Variants in FSD1L observed in about 807,000 individuals in gnomAD.
The protein encoded by FSD1L is fibronectin type III and SPRY domain containing 1 like, also known as FSD1-like protein.
A neutral mutation model predicts 71.6 loss-of-function variants in FSD1L; 45 were observed. That is an observed-to-expected ratio of 0.63 (90% CI 0.49 to 0.81). The LOEUF is 0.81. Among genes scored for constraint, FSD1L ranks in the 30% least tolerant of loss-of-function variants. FSD1L has a pLI of 0.00. For synonymous variants in FSD1L, 197 were observed against 207.2 expected (o/e 0.95, Z 0.42); for missense variants, 561 against 618.1 (o/e 0.91, Z 0.98).
At chr9:105,468,396 T>G in intron 4 of FSD1L, 72 bp downstream of exon 4, 2 of 1,210,438 alleles carry the variant, frequency 1.7e-6, no homozygotes, top group Non-Finnish European at 2.2e-6. Flanking sequence ...TAAGCAAAAA[T>G]TAATGAATTT....
chr9:105,478,728 C>T (rs552916992), intron 5 of FSD1L, among the ~76,000 whole-genome samples: 1 of 151,936 alleles, frequency 6.6e-6, no homozygotes, highest in Non-Finnish European at 1.5e-5. Flanking sequence ...TGTATGAAAT[C>T]ATCATGGAGA....
chr9:105,534,969 TA>T, intron 11 of FSD1L, 97 bp from the exon 12 acceptor site: 3 of 1,180,622 alleles, frequency 2.5e-6, no homozygotes, highest in South Asian at 2.8e-5. Context: ...AGTACTTGAA[TA>T]AAAATTTTTG....
At chr9:105,521,907 G>C (rs1039827730) in intron 10 of FSD1L, 7 of 1,612,324 alleles carry the variant, frequency 4.3e-6, no homozygotes, top group Admixed American at 3.3e-5. Context: ...AAATCTTCTG[G>C]ATGAACACAC....
intron 1 of FSD1L, among the ~76,000 whole-genome samples, chr9:105,460,774 T>G (rs1390248779): frequency 6.6e-6 from 1 of 152,090 alleles, no homozygotes; most frequent in Non-Finnish European, 1.5e-5. Context: ...ACGTGGACAT[T>G]TGCACTTTCT....
intron 6 of FSD1L, among the ~76,000 whole-genome samples, chr9:105,480,646 A>G (rs974192101): frequency 1.3e-5 from 2 of 152,192 alleles, no homozygotes; most frequent in Admixed American, 6.5e-5. Flanking sequence ...AGCTAAAGAC[A>G]TGGATCATTC....
At chr9:105,448,766 T>C (rs780836285) in intron 1 of FSD1L, among the ~76,000 whole-genome samples, 6 of 152,164 alleles carry the variant, frequency 3.9e-5, no homozygotes, top group Middle Eastern at 3.2e-3. Flanking sequence ...CCTAAGTAGA[T>C]CTTAGTGTTT....
In FSD1L at chr9:105,543,473, G is replaced by C. The variant is rs148193900; in HGVS notation, c.1468-2885G>C. Among the ~76,000 whole-genome samples, 1,400 of 152,132 alleles carry C rather than the reference G, an allele frequency of 9.2e-3. 22 individuals are homozygous for C. Among genetic ancestry groups the C allele is most frequent in the African/African-American group, 0.032 (1,341 of 41,478 alleles). ...TTATACTTTAAGTTCTAGGGTACATGTGCACAACGTGCAGGTTTGTTATAT... is the reference window on the plus strand; with the variant it reads ...TTATACTTTAAGTTCTAGGGTACATCTGCACAACGTGCAGGTTTGTTATAT... On this transcript the variant is annotated intron_variant, in intron 13 of 13. Coordinates refer to ENST00000481272, the MANE Select transcript of FSD1L (RefSeq NM_001145313.3).
chr9:105,531,663 A>G (rs1473324405), intron 10 of FSD1L, among the ~76,000 whole-genome samples: 2 of 152,232 alleles, frequency 1.3e-5, no homozygotes, highest in Non-Finnish European at 2.9e-5. Context: ...AGGAAGATTA[A>G]TGTGCAGTCA....
At chr9:105,481,176 T>TGTGTGTGTGTGTGTGTGTGTGTGTGTGG (rs1454412244) in intron 6 of FSD1L, among the ~76,000 whole-genome samples, 2 of 123,196 alleles carry the variant, frequency 1.6e-5, no homozygotes, top group Non-Finnish European at 3.5e-5. Flanking sequence ...TGTGTGTGTG[T>TGTGTGTGTGTGTGTGTGTGTGTGTGTGG]GTGGTTCTTT....
intron 13 of FSD1L, among the ~76,000 whole-genome samples, chr9:105,541,215 G>A (rs1267698394): frequency 6.6e-6 from 1 of 151,426 alleles, no homozygotes; most frequent in Non-Finnish European, 1.5e-5. Flanking sequence ...TACATTAAAA[G>A]TAAGTGATTA....
rs1588893250 is a variant in FSD1L at position 105,448,062 on chromosome 9, A to G, written c.-159A>G. ...TCACCCTGGCAACCGCGGCGTGACT[A>G]CGGCGCGCGCGGTCTGGGCGCGGAC... is the stretch of plus-strand genomic sequence containing the variant. On this transcript the variant is annotated 5_prime_UTR_variant, in exon 1 of 14. Transcript: ENST00000481272. The G allele has an allele frequency of 5.1e-6, 4 of 784,458 alleles. No individual in the cohort carries two copies. Among genetic ancestry groups the G allele is most frequent in the Admixed American group, 2.5e-5 (1 of 40,726 alleles). The allele number at this position is 784,458 out of a possible 1,614,324, so 48.6% of individuals were successfully genotyped here. A position where few individuals can be genotyped will look rare whatever the true frequency, so the allele number is the denominator to read the frequency against.
chr9:105,497,753 C>G (rs1833504719), intron 7 of FSD1L, among the ~76,000 whole-genome samples: 1 of 152,056 alleles, frequency 6.6e-6, no homozygotes. Context: ...TTTATTGATT[C>G]CATTGATCTG....
chr9:105,523,362 A>G, intron 10 of FSD1L: 1 of 1,604,448 alleles, frequency 6.2e-7, no homozygotes, highest in East Asian at 2.2e-5. Context: ...TGATCTAGAA[A>G]TTAGTGAATT....
chr9:105,539,241 G>T (rs147479933), intron 12 of FSD1L, 22 bp from the exon 13 acceptor site: 6 of 1,121,750 alleles, frequency 5.3e-6, no homozygotes, highest in Middle Eastern at 2.4e-4. Context: ...AATAAATTAG[G>T]CTTTTTTTCC....
intron 5 of FSD1L, among the ~76,000 whole-genome samples, chr9:105,475,924 C>T (rs544326135): frequency 3.3e-5 from 5 of 151,724 alleles, no homozygotes; most frequent in African/African-American, 7.2e-5. Flanking sequence ...TTTTTTTTTC[C>T]AAAGACATAT....
At chr9:105,524,721 G>C in intron 10 of FSD1L, 2 of 1,613,814 alleles carry the variant, frequency 1.2e-6, no homozygotes, top group Non-Finnish European at 1.7e-6. Context: ...ACTCCAGCCA[G>C]TAACAGAAGT....
intron 3 of FSD1L, among the ~76,000 whole-genome samples, 182 bp downstream of exon 3, chr9:105,464,513 TAGTA>T (rs1484460262): frequency 6.6e-6 from 1 of 152,114 alleles, no homozygotes; most frequent in East Asian, 1.9e-4. Flanking sequence ...AAAATCCAAA[TAGTA>T]AGGGAAAAGG....
chr9:105,485,744 C>T (rs946156202), intron 7 of FSD1L, among the ~76,000 whole-genome samples: 4 of 150,966 alleles, frequency 2.6e-5, no homozygotes, highest in African/African-American at 7.3e-5. Context: ...CCTGGGTTTG[C>T]GCCATTCTCC....
rs185375578 is a variant in FSD1L at position 105,533,848 on chromosome 9, C to T, written c.1026-645C>T. Among the ~76,000 whole-genome samples the T allele has an allele frequency of 8.0e-3, 1,211 of 152,012 alleles. 12 individuals are homozygous for T. Among genetic ancestry groups the T allele is most frequent in the Middle Eastern group, 0.02 (6 of 294 alleles). ...AAGCGATTCTCCTGCCTCAGCCTCC[C>T]GAGTAGCTGGGATTACAGGCATGTG... On this transcript the variant is annotated intron_variant, in intron 10 of 13. Transcript: ENST00000481272.
Sources: gnomAD v4.1 joint callset for allele counts (sites outside exome capture counted in the v4.1 genomes callset) on GRCh38, gnomAD v4.1.1 for gene constraint, MANE v1.5 for transcripts, NCBI Gene and HGNC (gene_info 2026-07-23, HGNC 2026-07-21) for gene names.